POLD1: variants seen among roughly 807,000 people sequenced by gnomAD.
POLD1 encodes the protein DNA polymerase delta catalytic subunit.
Under a neutral mutation model 129.7 loss-of-function variants are expected in POLD1, and 79 were observed. The ratio of observed to expected loss-of-function variants is 0.61; its 90% CI spans 0.51 to 0.73. POLD1 has a LOEUF of 0.73. Ranked by LOEUF, POLD1 falls within the 30% of genes least tolerant of loss-of-function variation. The pLI is 0.00. For missense variants in POLD1, 1,338 were observed against 1,595.8 expected, an observed-to-expected ratio of 0.84 and a Z score of 2.75; for synonymous variants, 714 against 683.3, an observed-to-expected ratio of 1.04 and a Z score of -0.70.
rs200072694 is a variant in POLD1 at position 50,403,490 on chromosome 19, C to T, written c.1138-3C>T. 3.2e-5 allele frequency: 51 copies of T among 1,610,888 alleles called. No homozygotes were observed. In the East Asian group the frequency reaches 5.8e-4, roughly 18 times the overall value. Reference sequence around the variant, plus strand: ...GGGTGACCCAATGTGCTCCCACCCCCAGGCCTGGTCCACCTTCATCCGTAT... The same window carrying T: ...GGGTGACCCAATGTGCTCCCACCCCTAGGCCTGGTCCACCTTCATCCGTAT... On this transcript the variant is annotated splice_region_variant and splice_polypyrimidine_tract_variant and intron_variant, in intron 9 of 26. Transcript: ENST00000440232.
chr19:50,387,237 A>T (rs984171218), intron 1 of POLD1, among the ~76,000 whole-genome samples: 2 of 152,190 alleles, frequency 1.3e-5, no homozygotes, highest in Non-Finnish European at 2.9e-5. Context: ...GAATCACTTG[A>T]GTCCAGGAGG....
chr19:50,412,138 C>A (rs1324833996), intron 17 of POLD1, among the ~76,000 whole-genome samples: 2 of 152,104 alleles, frequency 1.3e-5, no homozygotes, highest in Admixed American at 1.3e-4. Context: ...AGAGTTGAGA[C>A]CCTGTCTCTT....
At chr19:50,415,349 C>G (rs377525187) in intron 20 of POLD1, 89 bp from the exon 21 acceptor site, 6 of 1,328,354 alleles carry the variant, frequency 4.5e-6, no homozygotes, top group East Asian at 2.3e-5. Flanking sequence ...CCTAAGAGCT[C>G]ATCCTGGTCT....
chr19:50,408,708 G>T (rs761819370), intron 14 of POLD1, 77 bp from the exon 15 acceptor site: 16 of 1,566,078 alleles, frequency 1.0e-5, no homozygotes, highest in African/African-American at 2.8e-5. Context: ...TTTTTAAAGG[G>T]TGAGGCCACA....
In POLD1 at chr19:50,407,153, C is replaced by T. The variant is rs150238541; in HGVS notation, c.1665C>T (p.Val555=). 9.8e-4 allele frequency: 1,574 copies of T among 1,607,936 alleles called. 4 individuals are homozygous for T. The highest frequency in any genetic ancestry group is 1.8e-3 in the South Asian group (163 of 90,912). ...TCAGTCGTGGCCAGCAGGTCAAGGT[C>T]GTATCCCAGCTGTTGCGGCAGGTCA... ...YLLSRGQQVK[V]VSQLLRQAMH... is the part of the protein sequence containing the mutation. Residue 555 remains valine (V), a synonymous_variant, in exon 13 of 27, where the codon GTC becomes GTT. Transcript: ENST00000440232.
At chr19:50,396,618 C>T (rs1403194020) in intron 1 of POLD1, among the ~76,000 whole-genome samples, 5 of 151,758 alleles carry the variant, frequency 3.3e-5, no homozygotes, top group Non-Finnish European at 7.4e-5. Context: ...GCTGGGACTA[C>T]AGGCGCCCAC....
In POLD1 at chr19:50,402,517, C is replaced by T. The variant is rs748888202; in HGVS notation, c.822C>T (p.Ala274=). 2.5e-6 allele frequency: 4 copies of T among 1,606,352 alleles called. No homozygotes were observed. The South Asian group carries it at 3.3e-5, about 13-fold the overall frequency. ...TGGAGCTCCCAGCTGGGAAATACGC[C>T]CTGAGGCTGAAGGAGAAGGTGCAGG... is the stretch of plus-strand genomic sequence containing the variant. ...NWLELPAGKY[A]LRLKEKATQC... The change falls in exon 7 of 27, where the codon GCC becomes GCT. Residue 274 remains alanine (A), a synonymous_variant. Transcript: ENST00000440232.
At chr19:50,404,854 C>T (rs750013298) in intron 10 of POLD1, among the ~76,000 whole-genome samples, 3 of 123,434 alleles carry the variant, frequency 2.4e-5, no homozygotes, top group Non-Finnish European at 4.4e-5. Flanking sequence ...TCCCAGGGGG[C>T]GCTGGGGTGT....
intron 17 of POLD1, among the ~76,000 whole-genome samples, chr19:50,411,953 AT>A (rs1449678049): frequency 6.6e-6 from 1 of 152,234 alleles, no homozygotes; most frequent in African/African-American, 2.4e-5. Context: ...CCTGGGCAAC[AT>A]AGTGAAACCC....
chr19:50,395,419 TA>T (rs1038806134), intron 1 of POLD1, among the ~76,000 whole-genome samples: 2 of 151,754 alleles, frequency 1.3e-5, no homozygotes, highest in Non-Finnish European at 2.9e-5. Flanking sequence ...CCGTCTCTAC[TA>T]AAAATACAAA....
intron 17 of POLD1, among the ~76,000 whole-genome samples, chr19:50,410,400 G>A (rs1028518552): frequency 2.0e-5 from 3 of 152,026 alleles, no homozygotes; most frequent in East Asian, 1.9e-4. Flanking sequence ...TGGGCACTGC[G>A]CCACTTTTCA....
intron 22 of POLD1, chr19:50,416,050 T>C: frequency 1.7e-6 from 1 of 572,020 alleles, no homozygotes; most frequent in East Asian, 2.9e-5. Flanking sequence ...GTCCCTCCCC[T>C]GTGCATACAG....
In POLD1 at chr19:50,399,115, C is replaced by G. The variant is rs529940540; in HGVS notation, c.202+62C>G. 6 of 1,549,730 alleles carry G rather than the reference C, an allele frequency of 3.9e-6. No homozygotes were observed. In the Admixed American group the frequency reaches 1.2e-4, roughly 30 times the overall value. On this transcript the variant is annotated intron_variant, in intron 2 of 26. Transcript: ENST00000440232. ...CATTGCCCCTGGTCTTGCCTTTGGT[C>G]CAAGAGTCAGCTGCAAAGCTGACCT...
intron 17 of POLD1, among the ~76,000 whole-genome samples, chr19:50,410,391 G>A (rs1261992933): frequency 6.6e-6 from 1 of 152,032 alleles, no homozygotes; most frequent in Non-Finnish European, 1.5e-5. Context: ...CTCTCTGGCT[G>A]GGCACTGCGC....
Position 50,398,927 on chromosome 19 carries a change from G to T in POLD1, c.76G>T (p.Asp26Tyr). 6.3e-7 allele frequency: 1 copy of T among 1,596,966 alleles called. No individual in the cohort carries two copies. The highest frequency in any genetic ancestry group is 8.5e-7 in the Non-Finnish European group (1 of 1,173,078). ...KRARGGLWDD[D>Y]DAPRPSQFEE... ...GGCCCGTGGGGGCCTCTGGGATGAT[G>T]ATGATGCACCTCGGCCATCCCAATT... Residue 26 changes from aspartate (D) to tyrosine (Y), a missense_variant, in exon 2 of 27, where the codon GAT (aspartate) becomes TAT (tyrosine). By Grantham distance (160) the Asp-to-Tyr change is radical. Around this residue, in one of 3 missense-constraint regions of POLD1, gnomAD observed 332 missense variants for 315.7 expected, o/e 1.05. Transcript: ENST00000440232.
At chr19:50,401,479 G>A (rs2038627548) in intron 3 of POLD1, among the ~76,000 whole-genome samples, 2 of 143,426 alleles carry the variant, frequency 1.4e-5, no homozygotes, top group Non-Finnish European at 3.0e-5. Context: ...GGGCTCTAGC[G>A]ATCCTCCCGC....
At chr19:50,404,470 G>A (rs1279902785) in intron 10 of POLD1, among the ~76,000 whole-genome samples, 1 of 149,230 alleles carries the variant, frequency 6.7e-6, no homozygotes, top group Non-Finnish European at 1.5e-5. Context: ...CACTGTGTTA[G>A]CGAGGATGGT....
At chr19:50,391,737 TC>T (rs2038182526) in intron 1 of POLD1, among the ~76,000 whole-genome samples, 2 of 148,696 alleles carry the variant, frequency 1.3e-5, no homozygotes, top group Non-Finnish European at 3.0e-5. Flanking sequence ...TTTTTCCCAC[TC>T]CCCCGCTCTT....
intron 1 of POLD1, among the ~76,000 whole-genome samples, chr19:50,387,356 T>A (rs1488556344): frequency 2.0e-5 from 3 of 152,158 alleles, no homozygotes; most frequent in African/African-American, 7.2e-5. Context: ...AGTGTCTCAC[T>A]CATCGAGAAA....
Sources: allele counts gnomAD v4.1 joint callset (sites outside exome capture counted in the v4.1 genomes callset), GRCh38; gene constraint gnomAD v4.1.1; regional missense constraint gnomAD v4.1.1; transcripts MANE v1.5; gene names NCBI Gene and HGNC (gene_info 2026-07-23, HGNC 2026-07-21).